The following POU6F2 variants were observed in gnomAD, a reference collection of about 807,000 sequenced individuals.
POU6F2 encodes the protein POU domain, class 6, transcription factor 2.
Under a neutral mutation model 71.3 loss-of-function variants are expected in POU6F2, and 31 were observed. The observed-to-expected ratio is 0.43, with a 90% confidence interval of 0.33 to 0.59. The LOEUF is 0.59. Ranked by LOEUF, POU6F2 falls within the 20% of genes least tolerant of loss-of-function variation. POU6F2 has a pLI of 0.04. For missense variants in POU6F2, 783 were observed against 856.8 expected, an observed-to-expected ratio of 0.91 and a Z score of 1.07; for synonymous variants, 347 against 355.7, an observed-to-expected ratio of 0.98 and a Z score of 0.27.
intron 4 of POU6F2, among the ~76,000 whole-genome samples, chr7:39,227,843 C>T (rs900184362): frequency 1.3e-5 from 2 of 152,160 alleles, no homozygotes; most frequent in Non-Finnish European, 2.9e-5. Flanking sequence ...AGGCATGAGC[C>T]ACCGTGCCCG....
chr7:39,348,358 C>A (rs1264039589), intron 5 of POU6F2, among the ~76,000 whole-genome samples: 1 of 152,168 alleles, frequency 6.6e-6, no homozygotes, highest in Non-Finnish European at 1.5e-5. Context: ...TCTTTAAACC[C>A]ATTTTTATAT....
intron 9 of POU6F2, among the ~76,000 whole-genome samples, chr7:39,461,995 G>T (rs1015492107): frequency 1.3e-5 from 2 of 152,162 alleles, no homozygotes; most frequent in Non-Finnish European, 2.9e-5. Context: ...CATCTTGACA[G>T]CCTTGGGATA....
At chr7:39,142,823 G>A (rs931426895) in intron 2 of POU6F2, among the ~76,000 whole-genome samples, 3 of 152,146 alleles carry the variant, frequency 2.0e-5, no homozygotes, top group Non-Finnish European at 4.4e-5. Context: ...AATGTTAGCA[G>A]TTTTGTGTGT....
chr7:39,027,433 G>C (rs859545), intron 1 of POU6F2, among the ~76,000 whole-genome samples: 16,046 of 152,164 alleles, frequency 0.11, 898 homozygotes, highest in Middle Eastern at 0.13. Flanking sequence ...GCCCACAAGG[G>C]CTTTTAAAAA....
intron 2 of POU6F2, among the ~76,000 whole-genome samples, chr7:39,177,861 A>G (rs1173494313): frequency 6.6e-6 from 1 of 152,180 alleles, no homozygotes. Flanking sequence ...GAAAAGCCCA[A>G]TAGGTACTCT....
chr7:39,397,149 G>A (rs78904998), intron 5 of POU6F2, among the ~76,000 whole-genome samples: 2,905 of 151,944 alleles, frequency 0.019, 36 homozygotes, highest in Non-Finnish European at 0.027. Context: ...TGCCAATTTT[G>A]ACCTTTCAGG....
At chr7:39,390,544 C>G (rs1787047114) in intron 5 of POU6F2, among the ~76,000 whole-genome samples, 1 of 152,108 alleles carries the variant, frequency 6.6e-6, no homozygotes, top group South Asian at 2.1e-4. Flanking sequence ...ACAAAAGCAC[C>G]AAAAGGAATG....
At chr7:39,019,499 G>C (rs1789630050) in intron 1 of POU6F2, among the ~76,000 whole-genome samples, 1 of 152,038 alleles carries the variant, frequency 6.6e-6, no homozygotes, top group African/African-American at 2.4e-5. Context: ...TTGTAGGCTT[G>C]TTTAAGCTTT....
chr7:39,276,894 G>A (rs1390382688), intron 4 of POU6F2, among the ~76,000 whole-genome samples: 7 of 143,850 alleles, frequency 4.9e-5, no homozygotes, highest in African/African-American at 1.8e-4. Flanking sequence ...ACACTCTGGG[G>A]ACTGTTGTGG....
chr7:39,338,362 T>G (rs552221461), intron 4 of POU6F2, among the ~76,000 whole-genome samples: 1 of 152,298 alleles, frequency 6.6e-6, no homozygotes, highest in Non-Finnish European at 1.5e-5. Flanking sequence ...CGGGGTACTT[T>G]CCAGGCCTCC....
intron 2 of POU6F2, among the ~76,000 whole-genome samples, chr7:39,155,233 G>A (rs971174410): frequency 1.4e-5 from 2 of 140,548 alleles, no homozygotes; most frequent in Non-Finnish European, 3.0e-5. Context: ...TATTTCTCTT[G>A]CTATTACTGA....
chr7:39,409,468 T>C (rs899453871), intron 6 of POU6F2, among the ~76,000 whole-genome samples: 10 of 152,202 alleles, frequency 6.6e-5, no homozygotes, highest in Admixed American at 5.2e-4. Flanking sequence ...AATTCAGACC[T>C]ACCTGGGATT....
At chr7:39,049,852 A>G (rs1275878127) in intron 1 of POU6F2, among the ~76,000 whole-genome samples, 1 of 152,000 alleles carries the variant, frequency 6.6e-6, no homozygotes, top group Non-Finnish European at 1.5e-5. Context: ...CTTTGAACAT[A>G]TATATAAAAC....
chr7:39,033,838 G>A (rs1237877277), intron 1 of POU6F2, among the ~76,000 whole-genome samples: 1 of 152,210 alleles, frequency 6.6e-6, no homozygotes, highest in Non-Finnish European at 1.5e-5. Context: ...CCGCGCTAGT[G>A]GATGTATTCA....
intron 4 of POU6F2, among the ~76,000 whole-genome samples, chr7:39,326,100 T>C (rs73121830): frequency 0.048 from 7,322 of 152,290 alleles, 266 homozygotes; most frequent in Non-Finnish European, 0.075. Flanking sequence ...TGTAAATAGG[T>C]CTTTTTCACA....
At chr7:39,427,269 A>G (rs1289417385) in intron 6 of POU6F2, among the ~76,000 whole-genome samples, 1 of 152,200 alleles carries the variant, frequency 6.6e-6, no homozygotes, top group Non-Finnish European at 1.5e-5. Flanking sequence ...AGGTGAGTAG[A>G]CTGAGATCCT....
chr7:39,444,722 G>A (rs1303940178), intron 7 of POU6F2, among the ~76,000 whole-genome samples: 13 of 152,250 alleles, frequency 8.5e-5, no homozygotes. Context: ...TACAGCTGTT[G>A]TGGCATATGG....
intron 9 of POU6F2, among the ~76,000 whole-genome samples, chr7:39,461,151 A>T (rs921162646): frequency 2.6e-5 from 4 of 151,876 alleles, no homozygotes; most frequent in Admixed American, 2.0e-4. Flanking sequence ...CACACATTTT[A>T]AAAAAAAATT....
intron 5 of POU6F2, among the ~76,000 whole-genome samples, chr7:39,394,004 A>G (rs760373487): frequency 6.6e-6 from 1 of 152,326 alleles, no homozygotes; most frequent in East Asian, 1.9e-4. Flanking sequence ...AAAAGACACA[A>G]TATTCTGGAG....
Sources: gnomAD v4.1 joint callset for allele counts (sites outside exome capture counted in the v4.1 genomes callset) on GRCh38, gnomAD v4.1.1 for gene constraint, MANE v1.5 for transcripts, NCBI Gene and HGNC (gene_info 2026-07-23, HGNC 2026-07-21) for gene names.